The following FGF12 variants were observed in gnomAD, a reference collection of about 807,000 sequenced individuals.
FGF12 encodes fibroblast growth factor 12.
A neutral mutation model predicts 23.6 loss-of-function variants in FGF12; 14 were observed. The ratio of observed to expected loss-of-function variants is 0.59; its 90% CI spans 0.39 to 0.93. The LOEUF is 0.93. Ranked by LOEUF, FGF12 falls within the 40% of genes least tolerant of loss-of-function variation. The probability of loss-of-function intolerance (pLI) is 0.00; values close to 1 mark genes in which losing one functional copy is unlikely to be tolerated. For synonymous variants in FGF12, 62 were observed against 77.3 expected, an observed-to-expected ratio of 0.80 and a Z score of 1.04; for missense variants, 175 against 217.8, an observed-to-expected ratio of 0.80 and a Z score of 1.24.
At chr3:192,368,554 C>T (rs1719086375) in intron 2 of FGF12, among the ~76,000 whole-genome samples, 1 of 152,120 alleles carries the variant, frequency 6.6e-6, no homozygotes, top group Non-Finnish European at 1.5e-5. Context: ...ATAAAGCAAT[C>T]CTAATAATGG....
At chr3:192,227,096 CAAAT>C (rs1222863500) in intron 4 of FGF12, among the ~76,000 whole-genome samples, 3 of 152,082 alleles carry the variant, frequency 2.0e-5, no homozygotes, top group Non-Finnish European at 4.4e-5. Flanking sequence ...AGAACTGTGA[CAAAT>C]AAATTTCTGT....
intron 5 of FGF12, among the ~76,000 whole-genome samples, chr3:192,165,360 A>AT (rs560748677): frequency 1.2e-4 from 18 of 152,066 alleles, no homozygotes; most frequent in South Asian, 8.3e-4. Flanking sequence ...GCTGTAATTT[A>AT]TTTTTTCAAT....
At chr3:192,227,815 G>A (rs1718818853) in intron 4 of FGF12, among the ~76,000 whole-genome samples, 1 of 152,068 alleles carries the variant, frequency 6.6e-6, no homozygotes, top group Admixed American at 6.6e-5. Context: ...CAAAACAGAA[G>A]CAACTTCAGC....
chr3:192,464,342 A>G (rs904283809), intron 2 of FGF12, among the ~76,000 whole-genome samples: 7 of 149,604 alleles, frequency 4.7e-5, no homozygotes, highest in African/African-American at 1.7e-4. Context: ...TTATGCCTTT[A>G]CATCCGCATA....
intron 2 of FGF12, among the ~76,000 whole-genome samples, chr3:192,694,920 GTT>G (rs1251575775): frequency 6.6e-6 from 1 of 152,034 alleles, no homozygotes; most frequent in Non-Finnish European, 1.5e-5. Flanking sequence ...AAGAGTTGCA[GTT>G]GTGTAGGATA....
chr3:192,466,776 C>A (rs1723023811), intron 2 of FGF12, among the ~76,000 whole-genome samples: 1 of 152,140 alleles, frequency 6.6e-6, no homozygotes, highest in African/African-American at 2.4e-5. Context: ...TTACTTCACA[C>A]TCACAGGGTA....
chr3:192,482,414 G>A (rs1232546984), intron 2 of FGF12, among the ~76,000 whole-genome samples: 1 of 151,890 alleles, frequency 6.6e-6, no homozygotes. Flanking sequence ...CAGGAAGATC[G>A]CTTGAGGTCA....
At chr3:192,496,920 G>C (rs144329149) in intron 2 of FGF12, among the ~76,000 whole-genome samples, 1 of 152,204 alleles carries the variant, frequency 6.6e-6, no homozygotes, top group African/African-American at 2.4e-5. Context: ...AACATTGCAG[G>C]CTTAGTCCTT....
intron 4 of FGF12, among the ~76,000 whole-genome samples, chr3:192,241,617 C>T (rs1005892068): frequency 6.6e-6 from 1 of 152,064 alleles, no homozygotes; most frequent in African/African-American, 2.4e-5. Flanking sequence ...GCAGCACTCT[C>T]TCTCTCTCCA....
At chr3:192,511,253 A>ACACC (rs1211816814) in intron 2 of FGF12, among the ~76,000 whole-genome samples, 1 of 142,980 alleles carries the variant, frequency 7.0e-6, no homozygotes, top group African/African-American at 2.5e-5. Context: ...ACACACACAC[A>ACACC]CCTGCTACTA....
intron 4 of FGF12, among the ~76,000 whole-genome samples, chr3:192,258,944 G>A (rs947370025): frequency 6.6e-6 from 1 of 152,112 alleles, no homozygotes; most frequent in East Asian, 1.9e-4. Context: ...GCATTTGCAC[G>A]TATATTTATC....
chr3:192,183,453 G>C (rs913518537), intron 4 of FGF12, among the ~76,000 whole-genome samples: 6 of 152,168 alleles, frequency 3.9e-5, no homozygotes, highest in Admixed American at 6.5e-5. Context: ...TTGCTGCAAT[G>C]CTTCTTGCTG....
At chr3:192,453,837 T>C (rs1442293572) in intron 2 of FGF12, among the ~76,000 whole-genome samples, 1 of 152,162 alleles carries the variant, frequency 6.6e-6, no homozygotes, top group Non-Finnish European at 1.5e-5. Context: ...TTTGTTTAAA[T>C]CAAATTTAAC....
intron 2 of FGF12, among the ~76,000 whole-genome samples, chr3:192,533,525 C>A (rs1254931844): frequency 1.3e-5 from 2 of 152,170 alleles, no homozygotes; most frequent in Admixed American, 1.3e-4. Flanking sequence ...TCAGGTCAGT[C>A]TGTAGCTTAA....
chr3:192,418,775 G>C (rs1172299987), intron 2 of FGF12, among the ~76,000 whole-genome samples: 1 of 152,064 alleles, frequency 6.6e-6, no homozygotes, highest in African/African-American at 2.4e-5. Flanking sequence ...CTTCCTCTTT[G>C]CCTTACACCA....
At chr3:192,398,393 T>C (rs914249799) in intron 2 of FGF12, among the ~76,000 whole-genome samples, 8 of 151,340 alleles carry the variant, frequency 5.3e-5, no homozygotes, top group South Asian at 4.2e-4. Flanking sequence ...TTTCTTTTTT[T>C]TTTTTTTTCT....
chr3:192,677,715 C>T (rs1256530720), intron 2 of FGF12, among the ~76,000 whole-genome samples: 8 of 152,170 alleles, frequency 5.3e-5, no homozygotes, highest in African/African-American at 1.9e-4. Context: ...ATGCAAGCTG[C>T]CCCACCCAGA....
At chr3:192,378,859 G>T (rs937281314) in intron 2 of FGF12, among the ~76,000 whole-genome samples, 1 of 151,956 alleles carries the variant, frequency 6.6e-6, no homozygotes, top group Non-Finnish European at 1.5e-5. Flanking sequence ...CGTCACCCAG[G>T]TACTAAGCCT....
At chr3:192,170,343 C>A in intron 5 of FGF12, 115 bp downstream of exon 5, 1 of 729,076 alleles carries the variant, frequency 1.4e-6, no homozygotes, top group South Asian at 1.8e-5. Context: ...TCTTTTGAAT[C>A]TTTCTTCTGA....
Sources: allele counts gnomAD v4.1 joint callset (sites outside exome capture counted in the v4.1 genomes callset), GRCh38; gene constraint gnomAD v4.1.1; transcripts MANE v1.5; gene names NCBI Gene and HGNC (gene_info 2026-07-23, HGNC 2026-07-21).